Variants in TSPAN9 observed in about 807,000 individuals in gnomAD.
TSPAN9 encodes tetraspanin 9.
A neutral mutation model predicts 31.0 loss-of-function variants in TSPAN9; 16 were observed. That is an observed-to-expected ratio of 0.52 (90% CI 0.35 to 0.78). The LOEUF (loss-of-function observed/expected upper bound fraction) is 0.78, where lower values mean the gene tolerates loss of function less well. TSPAN9 is among the 30% of genes least tolerant of loss of function. The pLI, the probability that TSPAN9 is intolerant of heterozygous loss-of-function variation, is 0.01. For synonymous variants in TSPAN9, 145 were observed against 121.6 expected (o/e 1.19, Z -1.27); for missense variants, 272 against 312.5 (o/e 0.87, Z 0.98).
intron 2 of TSPAN9, among the ~76,000 whole-genome samples, chr12:3,193,856 GTCCATCCA>G (rs1430822599): frequency 1.3e-5 from 2 of 152,166 alleles, no homozygotes; most frequent in Non-Finnish European, 2.9e-5. Flanking sequence ...CCTTCTGTCT[GTCCATCCA>G]TCCATCCATT....
chr12:3,215,327 G>A (rs2098380829), intron 3 of TSPAN9: 1 of 152,154 alleles, frequency 6.6e-6, no homozygotes, highest in Admixed American at 6.5e-5. Flanking sequence ...TGACTCCCTG[G>A]GAGGATCTTT....
At chr12:3,206,985 A>G (rs1185803173) in intron 3 of TSPAN9, among the ~76,000 whole-genome samples, 2 of 152,126 alleles carry the variant, frequency 1.3e-5, no homozygotes, top group African/African-American at 4.8e-5. Flanking sequence ...GGGGAGAGCT[A>G]GCAGTCCAAG....
intron 3 of TSPAN9, among the ~76,000 whole-genome samples, chr12:3,245,728 G>A (rs1862111429): frequency 6.6e-6 from 1 of 152,202 alleles, no homozygotes; most frequent in African/African-American, 2.4e-5. Flanking sequence ...CCTGGGTGTG[G>A]TGGGCAGACC....
chr12:3,225,032 T>C (rs1591688773), intron 3 of TSPAN9, among the ~76,000 whole-genome samples: 1 of 152,148 alleles, frequency 6.6e-6, no homozygotes, highest in Non-Finnish European at 1.5e-5. Context: ...ACCTTTGCGG[T>C]GCACAGGATC....
intron 2 of TSPAN9, among the ~76,000 whole-genome samples, chr12:3,118,614 A>T (rs1243768330): frequency 6.6e-6 from 1 of 151,476 alleles, no homozygotes. Flanking sequence ...TTTTATATTT[A>T]TTGACAAACA....
chr12:3,108,543 G>A (rs2098315817), intron 2 of TSPAN9, among the ~76,000 whole-genome samples: 1 of 152,096 alleles, frequency 6.6e-6, no homozygotes, highest in African/African-American at 2.4e-5. Flanking sequence ...GATTTAGTGT[G>A]GCTCGACTTT....
At chr12:3,196,453 C>T (rs1591670797) in intron 2 of TSPAN9, among the ~76,000 whole-genome samples, 1 of 152,284 alleles carries the variant, frequency 6.6e-6, no homozygotes, top group Middle Eastern at 3.4e-3. Flanking sequence ...CTTGTAGAGT[C>T]TAAGAGAGTG....
chr12:3,279,613 C>T (rs145598023), intron 5 of TSPAN9, among the ~76,000 whole-genome samples: 11 of 152,322 alleles, frequency 7.2e-5, no homozygotes, highest in African/African-American at 1.4e-4. Flanking sequence ...CTGGGCAGTT[C>T]GCAGTCAAGA....
intron 1 of TSPAN9, among the ~76,000 whole-genome samples, chr12:3,078,490 A>G (rs2098296232): frequency 6.6e-6 from 1 of 152,228 alleles, no homozygotes; most frequent in Non-Finnish European, 1.5e-5. Flanking sequence ...TTTGCTATAG[A>G]GATACGCAGC....
intron 1 of TSPAN9, among the ~76,000 whole-genome samples, chr12:3,082,618 G>A (rs1386923112): frequency 6.6e-6 from 1 of 152,138 alleles, no homozygotes; most frequent in African/African-American, 2.4e-5. Context: ...GTCATGGTAG[G>A]GAGAGTGGCT....
At chr12:3,264,586 G>C (rs1454799314) in intron 3 of TSPAN9, among the ~76,000 whole-genome samples, 1 of 152,198 alleles carries the variant, frequency 6.6e-6, no homozygotes, top group Non-Finnish European at 1.5e-5. Context: ...CCCAGGAGCA[G>C]CCTCTGTGTG....
chr12:3,188,859 G>T (rs570295683), intron 2 of TSPAN9, among the ~76,000 whole-genome samples: 6 of 152,236 alleles, frequency 3.9e-5, no homozygotes, highest in South Asian at 2.1e-4. Flanking sequence ...GTGTTAGAGG[G>T]TGTCCGATAC....
chr12:3,142,985 G>T (rs1002221938), intron 2 of TSPAN9, among the ~76,000 whole-genome samples: 1 of 152,090 alleles, frequency 6.6e-6, no homozygotes, highest in Non-Finnish European at 1.5e-5. Context: ...CTTGACAGTG[G>T]TGAGGAGTGC....
intron 2 of TSPAN9, among the ~76,000 whole-genome samples, chr12:3,095,992 C>G (rs1565573802): frequency 6.7e-6 from 1 of 150,166 alleles, no homozygotes; most frequent in South Asian, 2.1e-4. Flanking sequence ...GGCGGCTGCT[C>G]CTTGCCCTCG....
chr12:3,131,129 G>A (rs2058246), intron 2 of TSPAN9, among the ~76,000 whole-genome samples: 62,650 of 147,944 alleles, frequency 0.42, 13,380 homozygotes, highest in Admixed American at 0.52. Flanking sequence ...CACTTTTGGG[G>A]AAAAAAAAAA....
intron 2 of TSPAN9, among the ~76,000 whole-genome samples, chr12:3,108,736 T>G (rs2098315989): frequency 6.6e-6 from 1 of 152,216 alleles, no homozygotes; most frequent in Non-Finnish European, 1.5e-5. Flanking sequence ...TCCCCCTCCT[T>G]TCCTTTCCTG....
intron 3 of TSPAN9, among the ~76,000 whole-genome samples, chr12:3,274,574 T>C (rs946902985): frequency 3.3e-5 from 5 of 152,200 alleles, no homozygotes; most frequent in African/African-American, 1.2e-4. Flanking sequence ...TGGGAGCAGG[T>C]AGTGAAGGCT....
chr12:3,109,769 G>A (rs1168271006), intron 2 of TSPAN9, among the ~76,000 whole-genome samples: 1 of 143,756 alleles, frequency 7.0e-6, no homozygotes, highest in Admixed American at 7.1e-5. Context: ...CTGCACTCCA[G>A]CCTGGGCAAC....
chr12:3,126,185 G>A (rs1470069630), intron 2 of TSPAN9, among the ~76,000 whole-genome samples: 1 of 152,160 alleles, frequency 6.6e-6, no homozygotes, highest in Admixed American at 6.5e-5. Context: ...GAGGGTTAAG[G>A]GAGAGTACTT....
Sources: allele counts gnomAD v4.1 joint callset (sites outside exome capture counted in the v4.1 genomes callset), GRCh38; gene constraint gnomAD v4.1.1; transcripts MANE v1.5; gene names NCBI Gene and HGNC (gene_info 2026-07-23, HGNC 2026-07-21).